Variants in AP3B1 observed in about 807,000 individuals in gnomAD.
AP3B1 encodes AP-3 complex subunit beta-1.
AP3B1 carries 61 observed loss-of-function variants against 132.5 expected under a neutral mutation model. That is an observed-to-expected ratio of 0.46 (90% CI 0.37 to 0.57). AP3B1 has a LOEUF of 0.57. Among genes scored for constraint, AP3B1 ranks in the 20% least tolerant of loss-of-function variants. AP3B1 has a pLI of 0.00. For synonymous variants in AP3B1, 388 were observed against 438.3 expected, an observed-to-expected ratio of 0.89 and a Z score of 1.43; for missense variants, 1,120 against 1,289.4, an observed-to-expected ratio of 0.87 and a Z score of 2.01.
At chr5:78,068,946 T>C (rs1489737807) in intron 22 of AP3B1, among the ~76,000 whole-genome samples, 3 of 152,212 alleles carry the variant, frequency 2.0e-5, no homozygotes, top group Non-Finnish European at 4.4e-5. Flanking sequence ...GCAAGGCTTG[T>C]TCAACCTATG....
intron 3 of AP3B1, among the ~76,000 whole-genome samples, chr5:78,235,105 C>T (rs1398176716): frequency 6.6e-6 from 1 of 152,098 alleles, no homozygotes; most frequent in African/African-American, 2.4e-5. Flanking sequence ...AAGAGAGACT[C>T]CTGCCTCAGC....
chr5:78,047,488 T>A (rs1748390463), intron 22 of AP3B1, among the ~76,000 whole-genome samples: 1 of 152,254 alleles, frequency 6.6e-6, no homozygotes, highest in Non-Finnish European at 1.5e-5. Flanking sequence ...ATTGGCCACA[T>A]AAATGTCTTC....
chr5:78,035,607 G>C (rs552345233), intron 23 of AP3B1, among the ~76,000 whole-genome samples: 2 of 152,150 alleles, frequency 1.3e-5, no homozygotes, highest in African/African-American at 4.8e-5. Flanking sequence ...CATTACAAGA[G>C]AGTATTTGTT....
At chr5:78,063,774 T>TA (rs1424238980) in intron 22 of AP3B1, among the ~76,000 whole-genome samples, 3 of 152,218 alleles carry the variant, frequency 2.0e-5, no homozygotes, top group African/African-American at 7.2e-5. Context: ...TCTAGCAATC[T>TA]ACGACACCTA....
In AP3B1 at chr5:78,129,301, A is replaced by G; in HGVS notation, c.1657T>C (p.Leu553=). The part of the protein sequence containing the change: ...LYLTNSKQTK[L]LTQYILNLGK... ...AGATTTAATATGTACTGGGTAAGCA[A>G]TTTTGTCTGTTGGAAAAAAACAGAT... Residue 553 remains leucine (L), a synonymous_variant, in exon 16 of 27, where the codon TTG becomes CTG. Transcript: ENST00000255194. The G allele has an allele frequency of 1.2e-6, 2 of 1,611,158 alleles. No individual in the cohort carries two copies. Among genetic ancestry groups the G allele is most frequent in the Non-Finnish European group, 1.7e-6 (2 of 1,177,530 alleles).
chr5:78,198,214 G>C (rs1054839120), intron 7 of AP3B1, among the ~76,000 whole-genome samples: 4 of 152,146 alleles, frequency 2.6e-5, no homozygotes, highest in African/African-American at 9.7e-5. Context: ...ACACCAGGAT[G>C]AAACAATCTC....
intron 24 of AP3B1, among the ~76,000 whole-genome samples, chr5:78,025,982 A>G (rs539194135): frequency 2.1e-4 from 32 of 152,278 alleles, no homozygotes; most frequent in Non-Finnish European, 3.8e-4. Flanking sequence ...CATTTACATG[A>G]GTGTTCTAGG....
At chr5:78,204,909 A>G (rs1745443250) in intron 7 of AP3B1, among the ~76,000 whole-genome samples, 1 of 152,180 alleles carries the variant, frequency 6.6e-6, no homozygotes, top group African/African-American at 2.4e-5. Flanking sequence ...TCTGAATTCA[A>G]AAAGCTGATT....
At chr5:78,225,275 T>C (rs1453036929) in intron 6 of AP3B1, among the ~76,000 whole-genome samples, 1 of 152,100 alleles carries the variant, frequency 6.6e-6, no homozygotes, top group Non-Finnish European at 1.5e-5. Flanking sequence ...TCTTACCATG[T>C]TAACCACTTA....
At chr5:78,026,781 C>T (rs1226231995) in intron 24 of AP3B1, among the ~76,000 whole-genome samples, 1 of 152,172 alleles carries the variant, frequency 6.6e-6, no homozygotes, top group Admixed American at 6.5e-5. Flanking sequence ...TCTCTACCTT[C>T]CTGGTCAATA....
intron 22 of AP3B1, among the ~76,000 whole-genome samples, chr5:78,050,099 T>C (rs762680878): frequency 5.3e-5 from 8 of 152,146 alleles, no homozygotes; most frequent in Non-Finnish European, 8.8e-5. Flanking sequence ...AGTCCCACTA[T>C]AGGTTATTCC....
intron 11 of AP3B1, among the ~76,000 whole-genome samples, chr5:78,172,168 T>A (rs1296728915): frequency 1.3e-5 from 2 of 152,204 alleles, no homozygotes; most frequent in East Asian, 1.9e-4. Flanking sequence ...TTTTCGCATC[T>A]ATGTTCATCA....
intron 22 of AP3B1, among the ~76,000 whole-genome samples, chr5:78,070,486 G>C (rs532802088): frequency 6.6e-6 from 1 of 151,244 alleles, no homozygotes; most frequent in Non-Finnish European, 1.5e-5. Context: ...ATATCATTTA[G>C]GACATAGGCA....
intron 17 of AP3B1, among the ~76,000 whole-genome samples, chr5:78,118,446 G>C (rs947246830): frequency 6.6e-6 from 1 of 151,844 alleles, no homozygotes; most frequent in Non-Finnish European, 1.5e-5. Flanking sequence ...GTGACAGACG[G>C]CACCTGGAAA....
chr5:78,203,351 G>A (rs370640946), intron 7 of AP3B1, among the ~76,000 whole-genome samples: 44 of 152,258 alleles, frequency 2.9e-4, no homozygotes, highest in African/African-American at 1.0e-3. Flanking sequence ...AGGGTAGCAG[G>A]AGAGAGAATG....
intron 7 of AP3B1, among the ~76,000 whole-genome samples, chr5:78,188,012 G>A (rs1261070420): frequency 6.6e-6 from 1 of 152,166 alleles, no homozygotes; most frequent in African/African-American, 2.4e-5. Flanking sequence ...AGTGGTGCTG[G>A]GAGAACTGGC....
intron 14 of AP3B1, among the ~76,000 whole-genome samples, chr5:78,144,866 C>A (rs1408226750): frequency 6.8e-6 from 1 of 147,712 alleles, no homozygotes; most frequent in Non-Finnish European, 1.5e-5. Flanking sequence ...CAGGGTCTTA[C>A]TCTGTCATCC....
intron 17 of AP3B1, among the ~76,000 whole-genome samples, chr5:78,116,534 T>C (rs1382228390): frequency 6.6e-6 from 1 of 150,800 alleles, no homozygotes; most frequent in Non-Finnish European, 1.5e-5. Context: ...TATCCTAAAA[T>C]AGGTGAGCGA....
At chr5:78,250,122 A>T (rs906211292) in intron 2 of AP3B1, among the ~76,000 whole-genome samples, 1 of 152,206 alleles carries the variant, frequency 6.6e-6, no homozygotes, top group African/African-American at 2.4e-5. Flanking sequence ...CTTAATCAAA[A>T]GTGGACCTAA....
Sources: gnomAD v4.1 joint callset for allele counts (sites outside exome capture counted in the v4.1 genomes callset) on GRCh38, gnomAD v4.1.1 for gene constraint, MANE v1.5 for transcripts, NCBI Gene and HGNC (gene_info 2026-07-23, HGNC 2026-07-21) for gene names.